The following AKT1 variants were observed in gnomAD, a reference collection of about 807,000 sequenced individuals.
The protein encoded by AKT1 is RAC-alpha serine/threonine-protein kinase.
A neutral mutation model predicts 63.1 loss-of-function variants in AKT1; 21 were observed. That is an observed-to-expected ratio of 0.33 (90% CI 0.24 to 0.48). The LOEUF (loss-of-function observed/expected upper bound fraction) is 0.48, where lower values mean the gene tolerates loss of function less well. AKT1 is among the 20% of genes least tolerant of loss of function. The probability of loss-of-function intolerance (pLI) is 0.99; values close to 1 mark genes in which losing one functional copy is unlikely to be tolerated. For missense variants in AKT1, 382 were observed against 666.0 expected, an observed-to-expected ratio of 0.57 and a Z score of 4.69; for synonymous variants, 257 against 253.1, an observed-to-expected ratio of 1.02 and a Z score of -0.15.
intron 13 of AKT1, chr14:104,771,435 C>T (rs1402831821): frequency 1.3e-5 from 3 of 232,166 alleles, no homozygotes; most frequent in African/African-American, 4.4e-5. Flanking sequence ...CACTGCCCCA[C>T]CCCAGAGTCT....
In AKT1 at chr14:104,772,892, C is replaced by T. The variant is rs761810870; in HGVS notation, c.1158G>A (p.Lys386=). 1 of 1,611,138 alleles carries T rather than the reference C, an allele frequency of 6.2e-7. No homozygotes were observed. The highest frequency in any genetic ancestry group is 1.1e-5 in the South Asian group (1 of 91,010). The change falls in exon 12 of 15, where the codon AAG becomes AAA. Residue 386 remains lysine (K), a synonymous_variant. Coordinates refer to ENST00000649815, the MANE Select transcript of AKT1 (RefSeq NM_001382430.1). ...AKSLLSGLLK[K]DPKQRLGGGS... ...GCGGCCCTCACCTCTGCTTGGGGTCCTTCTTGAGCAGCCCTGAAAGCAAGG... is the reference window on the plus strand; with the variant it reads ...GCGGCCCTCACCTCTGCTTGGGGTCTTTCTTGAGCAGCCCTGAAAGCAAGG...
At chr14:104,770,447 G>A (rs778012030) in intron 14 of AKT1, 27 bp from the exon 15 acceptor site, 19 of 1,546,942 alleles carry the variant, frequency 1.2e-5, no homozygotes, top group South Asian at 4.8e-5. Context: ...CTCAGACCCC[G>A]GTGCCCCACC....
intron 1 of AKT1, chr14:104,793,828 C>G (rs1180339467): frequency 6.6e-6 from 1 of 152,362 alleles, no homozygotes; most frequent in Non-Finnish European, 1.5e-5. Flanking sequence ...TTCCTGTGAG[C>G]AGTCCTCTGC....
rs374039100 is a variant in AKT1 at position 104,788,709 on chromosome 14, G to A, written c.46+3889C>T. Among the ~76,000 whole-genome samples, 41 of 152,294 alleles carry A rather than the reference G, an allele frequency of 2.7e-4. 1 individual carries two copies. In the South Asian group the frequency reaches 5.2e-3, roughly 19 times the overall value. ...ACAGCCAGTGCCAGGACTTCAAGGC[G>A]GGGAGAGGGGGTGGGAAGGAGGCCC... On this transcript the variant is annotated intron_variant, in intron 3 of 14. Transcript: ENST00000649815.
rs1255808288 is a variant in AKT1 at position 104,773,620 on chromosome 14, C to A, written c.703-40G>T. Reference sequence around the variant, plus strand: ...ACCTGAGGCACAGCCGTGGCTCGGGCCTCTGCCCCCATGGCCTGCAGGGCT... The same window carrying A: ...ACCTGAGGCACAGCCGTGGCTCGGGACTCTGCCCCCATGGCCTGCAGGGCT... On this transcript the variant is annotated intron_variant, in intron 9 of 14. Coordinates refer to ENST00000649815, the MANE Select transcript of AKT1 (RefSeq NM_001382430.1). 3.8e-6 allele frequency: 6 copies of A among 1,576,832 alleles called. No homozygotes were observed. The Admixed American group carries it at 1.1e-4, about 29-fold the overall frequency.
Position 104,772,462 on chromosome 14 carries a change from G to A in AKT1, c.1173-10C>T. 6.2e-7 allele frequency: 1 copy of A among 1,613,538 alleles called. No individual in the cohort carries two copies. The highest frequency in any genetic ancestry group is 8.5e-7 in the Non-Finnish European group (1 of 1,179,956). On this transcript the variant is annotated splice_polypyrimidine_tract_variant and intron_variant, in intron 12 of 14. Coordinates refer to ENST00000649815, the MANE Select transcript of AKT1 (RefSeq NM_001382430.1). ...GGAGCCCCCGCCAAGCCTGCAGGCA[G>A]GAAACAAGGCCACAGTGTCGGTACC... is the stretch of plus-strand genomic sequence containing the variant.
intron 6 of AKT1, 80 bp downstream of exon 6, chr14:104,775,572 A>G (rs2140921278): frequency 2.6e-6 from 4 of 1,545,398 alleles, no homozygotes; most frequent in Non-Finnish European, 2.6e-6. Flanking sequence ...TCCTGGGCCG[A>G]GCTGGGACCC....
chr14:104,791,051 G>A (rs544553285), intron 3 of AKT1, among the ~76,000 whole-genome samples: 2 of 152,308 alleles, frequency 1.3e-5, no homozygotes, highest in South Asian at 2.1e-4. Flanking sequence ...ACCTGGCCTC[G>A]GGGGAGCACT....
At chr14:104,788,311 G>A (rs1410851794) in intron 3 of AKT1, among the ~76,000 whole-genome samples, 1 of 152,184 alleles carries the variant, frequency 6.6e-6, no homozygotes, top group Non-Finnish European at 1.5e-5. Flanking sequence ...AGGCTGAGGG[G>A]AGAGTCTGCG....
chr14:104,792,007 C>T (rs1471185751), intron 3 of AKT1, among the ~76,000 whole-genome samples: 1 of 152,154 alleles, frequency 6.6e-6, no homozygotes, highest in Non-Finnish European at 1.5e-5. Flanking sequence ...GTCCCCAGCT[C>T]CCATCCCACC....
At chr14:104,772,308 T>G in intron 13 of AKT1, 57 bp downstream of exon 13, 61 of 1,573,156 alleles carry the variant, frequency 3.9e-5, no homozygotes, top group Middle Eastern at 3.3e-4. Flanking sequence ...CGTGCATGCG[T>G]GAGTGTGGAT....
intron 3 of AKT1, among the ~76,000 whole-genome samples, chr14:104,782,947 C>A (rs1235973216): frequency 6.6e-6 from 1 of 152,130 alleles, no homozygotes; most frequent in Non-Finnish European, 1.5e-5. Flanking sequence ...TCAGCCCAGA[C>A]AGGATGCTGG....
In AKT1 at chr14:104,769,532, G is replaced by A; in HGVS notation, c.*809C>T. 1 of 533,538 alleles carries A rather than the reference G, an allele frequency of 1.9e-6. No individual in the cohort carries two copies. Among genetic ancestry groups the A allele is most frequent in the African/African-American group, 1.9e-5 (1 of 53,784 alleles). The allele number at this position is 533,538 out of a possible 1,614,324, so 33.1% of individuals were successfully genotyped here. On this transcript the variant is annotated 3_prime_UTR_variant, in exon 15 of 15. Coordinates refer to ENST00000649815, the MANE Select transcript of AKT1 (RefSeq NM_001382430.1). ...CCCACAGGGAGTCAGGGAGGGCCTG[G>A]GGCGACAGCGGAAAGGTTAAGCGTC...
In AKT1 at chr14:104,782,758, G is replaced by A. The variant is rs567176618; in HGVS notation, c.47-2542C>T. ...GGGGCCTCACGTGGCCTTTGTCTTC[G>A]GCATCCCAGCCCAGCACACAGACCC... is the stretch of plus-strand genomic sequence containing the variant. On this transcript the variant is annotated intron_variant, in intron 3 of 14. Transcript: ENST00000649815. Among the ~76,000 whole-genome samples the A allele has an allele frequency of 9.2e-4, 140 of 152,260 alleles. 1 individual carries two copies. Among genetic ancestry groups the A allele is most frequent in the African/African-American group, 3.1e-3 (129 of 41,536 alleles).
chr14:104,781,608 C>T (rs1195421843), intron 3 of AKT1, among the ~76,000 whole-genome samples: 1 of 152,200 alleles, frequency 6.6e-6, no homozygotes, highest in African/African-American at 2.4e-5. Context: ...CTCCCTCCTA[C>T]CCCGGCCCCA....
In AKT1 at chr14:104,773,896, C is replaced by A. The variant is rs1190898233; in HGVS notation, c.702+16G>T. 5 of 1,597,036 alleles carry A rather than the reference C, an allele frequency of 3.1e-6. No homozygotes were observed. Among genetic ancestry groups the A allele is most frequent in the Non-Finnish European group, 3.4e-6 (4 of 1,171,426 alleles). On this transcript the variant is annotated intron_variant, in intron 9 of 14. Coordinates refer to ENST00000649815, the MANE Select transcript of AKT1 (RefSeq NM_001382430.1). ...CACAGGCCGCGAAGTCCATCCCCCGCAGCCCCAGCCCCTACCTCGCCCCCG... is the reference window on the plus strand; with the variant it reads ...CACAGGCCGCGAAGTCCATCCCCCGAAGCCCCAGCCCCTACCTCGCCCCCG...
chr14:104,777,503 C>T (rs1892797244), intron 4 of AKT1: 1 of 1,000,950 alleles, frequency 1.0e-6, no homozygotes, highest in Non-Finnish European at 1.2e-6. Flanking sequence ...ACACGAACAC[C>T]TGGGGCACAC....
intron 2 of AKT1, 48 bp from the exon 3 acceptor site, chr14:104,792,770 G>A: frequency 8.4e-7 from 1 of 1,191,848 alleles, no homozygotes; most frequent in East Asian, 2.3e-5. Context: ...CTGGCTAAGG[G>A]CAGCTCCTCG....
At chr14:104,776,834 G>GC in intron 4 of AKT1, 64 bp from the exon 5 acceptor site, 1 of 1,404,920 alleles carries the variant, frequency 7.1e-7, no homozygotes, top group Non-Finnish European at 9.9e-7. Context: ...CCTCACCACA[G>GC]CCCCCGCTGC....
Sources: allele counts gnomAD v4.1 joint callset (sites outside exome capture counted in the v4.1 genomes callset), GRCh38; gene constraint gnomAD v4.1.1; transcripts MANE v1.5; gene names NCBI Gene and HGNC (gene_info 2026-07-23, HGNC 2026-07-21).